The following RRAGC variants were observed in gnomAD, a reference collection of about 807,000 sequenced individuals.
RRAGC encodes the protein Ras related GTP binding C.
In RRAGC, 8 loss-of-function variants were observed where a neutral mutation model predicts 37.1. That is an observed-to-expected ratio of 0.22 (90% CI 0.13 to 0.39). The LOEUF (loss-of-function observed/expected upper bound fraction) is 0.39. Among genes scored for constraint, RRAGC ranks in the 10% least tolerant of loss-of-function variants. RRAGC has a pLI of 1.00. For missense variants in RRAGC, 342 were observed against 497.6 expected (o/e 0.69, Z 2.98); for synonymous variants, 190 against 181.1 (o/e 1.05, Z -0.39).
rs546645752 is a variant in RRAGC, at chr1:38,840,114, T to C, written c.1049-410A>G. Among the ~76,000 whole-genome samples the C allele has an allele frequency of 1.3e-3, 188 of 147,876 alleles. 1 individual carries two copies. Among genetic ancestry groups the C allele is most frequent in the Non-Finnish European group, 2.1e-3 (140 of 67,202 alleles). Reference sequence around the variant, plus strand: ...AGTGAGCCAAGATTGCACCATTGCATTCCAGCCTGGGTGACAGAGCGAGAC... The same window carrying C: ...AGTGAGCCAAGATTGCACCATTGCACTCCAGCCTGGGTGACAGAGCGAGAC... On this transcript the variant is annotated intron_variant, in intron 6 of 6. Transcript: ENST00000373001.
At chr1:38,852,714 G>C (rs1382923339) in intron 3 of RRAGC, 1 of 288,638 alleles carries the variant, frequency 3.5e-6, no homozygotes, top group African/African-American at 2.2e-5. Context: ...GTAGTACTGA[G>C]AAAAGGATTT....
intron 6 of RRAGC, among the ~76,000 whole-genome samples, chr1:38,840,110 T>C (rs1013446144): frequency 1.4e-5 from 2 of 143,510 alleles, no homozygotes; most frequent in African/African-American, 5.3e-5. Flanking sequence ...ATTGCACCAT[T>C]GCATTCCAGC....
intron 5 of RRAGC, chr1:38,847,431 A>AACACACACACACACAC (rs138424781): frequency 1.3e-4 from 18 of 142,900 alleles, no homozygotes; most frequent in African/African-American, 5.0e-4. Flanking sequence ...GCAACACAAG[A>AACACACACACACACAC]ACACACACAC....
At chr1:38,848,682 A>C (rs2124222663) in intron 5 of RRAGC, among the ~76,000 whole-genome samples, 1 of 152,306 alleles carries the variant, frequency 6.6e-6, no homozygotes, top group East Asian at 1.9e-4. Flanking sequence ...TGCTAATCTT[A>C]ATCAAAATAA....
chr1:38,857,141 T>G (rs1306741107), intron 1 of RRAGC, 59 bp from the exon 2 acceptor site: 5 of 1,342,048 alleles, frequency 3.7e-6, no homozygotes, highest in South Asian at 1.3e-5. Flanking sequence ...AAATTTAAAA[T>G]TCCACCCTGG....
Position 38,851,542 on chromosome 1 carries a change from T to C in RRAGC, c.899+73A>G, listed in dbSNP as rs1000113969. ...ACCACTTGCCAGGGGCCTCAGAAAT[T>C]AGTCTTCTGAACAAATCAAGTTAAT... On this transcript the variant is annotated intron_variant, in intron 5 of 6. Coordinates refer to ENST00000373001, the MANE Select transcript of RRAGC (RefSeq NM_022157.4). 3 of 1,332,786 alleles carry C rather than the reference T, an allele frequency of 2.3e-6. No homozygotes were observed. In the African/African-American group the frequency reaches 4.6e-5, roughly 20 times the overall value. 82.6% of individuals were successfully genotyped at this position (1,332,786 alleles called of 1,614,324 possible). A position where few individuals can be genotyped will look rare whatever the true frequency, so the allele number is the denominator to read the frequency against.
intron 6 of RRAGC, among the ~76,000 whole-genome samples, chr1:38,841,226 A>G (rs972291858): frequency 5.3e-5 from 8 of 152,318 alleles, no homozygotes; most frequent in African/African-American, 1.9e-4. Context: ...AAAAAAGCTT[A>G]ATAATCTATA....
At chr1:38,849,611 C>A (rs1303686209) in intron 5 of RRAGC, among the ~76,000 whole-genome samples, 1 of 151,992 alleles carries the variant, frequency 6.6e-6, no homozygotes, top group Admixed American at 6.6e-5. Flanking sequence ...CTGCTTGAAT[C>A]CGGGAGGCAG....
In RRAGC at chr1:38,857,059, G is replaced by T. The variant is rs778553461; in HGVS notation, c.261C>A (p.Pro87=). Residue 87 remains proline, a synonymous_variant, in exon 2 of 7, where the codon CCC becomes CCA. Coordinates refer to ENST00000373001, the MANE Select transcript of RRAGC (RefSeq NM_022157.4). ...IQKVVFHKMS[P]NETLFLESTN... is the part of the protein sequence containing the mutation. Reference sequence around the variant, plus strand: ...TACTTTCCAAAAAGAGGGTCTCGTTGGGTGACATCTTATGAAACACCACCT... The same window carrying T: ...TACTTTCCAAAAAGAGGGTCTCGTTTGGTGACATCTTATGAAACACCACCT... 6.2e-7 allele frequency: 1 copy of T among 1,613,240 alleles called. No homozygotes were observed. Among genetic ancestry groups the T allele is most frequent in the Non-Finnish European group, 8.5e-7 (1 of 1,179,316 alleles).
chr1:38,859,314 G>A, intron 1 of RRAGC, 96 bp downstream of exon 1: 1 of 1,132,990 alleles, frequency 8.8e-7, no homozygotes, highest in Non-Finnish European at 1.3e-6. Flanking sequence ...GGGACGGAGC[G>A]CAGGCGGGCC....
chr1:38,853,865 T>C (rs1002244867), intron 3 of RRAGC, among the ~76,000 whole-genome samples: 3 of 151,872 alleles, frequency 2.0e-5, no homozygotes, highest in East Asian at 1.9e-4. Context: ...ACCCCATAGA[T>C]ACTAGGGAGA....
intron 6 of RRAGC, among the ~76,000 whole-genome samples, chr1:38,843,613 G>A (rs576313723): frequency 3.3e-5 from 5 of 151,954 alleles, no homozygotes; most frequent in Admixed American, 6.6e-5. Flanking sequence ...CCAGCTACTC[G>A]GGAGGGTGAG....
At chr1:38,849,073 C>T (rs902519655) in intron 5 of RRAGC, among the ~76,000 whole-genome samples, 1 of 151,096 alleles carries the variant, frequency 6.6e-6, no homozygotes, top group Non-Finnish European at 1.5e-5. Flanking sequence ...TACCACTACA[C>T]TTCAGCCTTA....
Position 38,857,969 on chromosome 1 carries a change from A to C in RRAGC, c.238-887T>G, listed in dbSNP as rs1181976900. Among the ~76,000 whole-genome samples, 7 of 152,264 alleles carry C rather than the reference A, an allele frequency of 4.6e-5. No individual in the cohort carries two copies. The East Asian group carries it at 1.4e-3, about 29-fold the overall frequency. ...GCAAGACTCCATAACAAACAAACAA[A>C]AAAAAAAGGATCACAATAATCACAA... On this transcript the variant is annotated intron_variant, in intron 1 of 6. Coordinates refer to ENST00000373001, the MANE Select transcript of RRAGC (RefSeq NM_022157.4).
chr1:38,839,534 C>A lies in RRAGC; in HGVS notation c.*19G>T, dbSNP rs1355340012. ...AGTGAAGAGTAAGCTGGCACAGAGC[C>A]CCGACGCTGGGATTCAGACTAGATG... On this transcript the variant is annotated 3_prime_UTR_variant, in exon 7 of 7. Coordinates refer to ENST00000373001, the MANE Select transcript of RRAGC (RefSeq NM_022157.4). 2 of 1,613,276 alleles carry A rather than the reference C, an allele frequency of 1.2e-6. No individual in the cohort carries two copies. The highest frequency in any genetic ancestry group is 2.2e-5 in the East Asian group (1 of 44,818).
chr1:38,845,590 G>A (rs973054913), intron 6 of RRAGC, among the ~76,000 whole-genome samples: 7 of 152,298 alleles, frequency 4.6e-5, no homozygotes, highest in Admixed American at 1.3e-4. Flanking sequence ...AAACCCGTGC[G>A]TTGTGCACAT....
intron 1 of RRAGC, among the ~76,000 whole-genome samples, chr1:38,858,861 CA>C (rs991185179): frequency 2.0e-5 from 3 of 152,224 alleles, no homozygotes; most frequent in Admixed American, 6.5e-5. Context: ...TTCACCAGGC[CA>C]CAACTACTGA....
chr1:38,849,383 G>T (rs1361873405), intron 5 of RRAGC, among the ~76,000 whole-genome samples: 1 of 152,140 alleles, frequency 6.6e-6, no homozygotes, highest in African/African-American at 2.4e-5. Flanking sequence ...ACTTTATTAT[G>T]TATAAGGTAT....
chr1:38,844,637 G>C (rs1265754098), intron 6 of RRAGC, among the ~76,000 whole-genome samples: 1 of 152,140 alleles, frequency 6.6e-6, no homozygotes, highest in African/African-American at 2.4e-5. Flanking sequence ...ATGCAGGAAG[G>C]AGGTAACCTG....
Sources: allele counts gnomAD v4.1 joint callset (sites outside exome capture counted in the v4.1 genomes callset), GRCh38; gene constraint gnomAD v4.1.1; transcripts MANE v1.5; gene names NCBI Gene and HGNC (gene_info 2026-07-23, HGNC 2026-07-21).